Variants in PGAP4 observed in about 807,000 individuals in gnomAD.
PGAP4 encodes the protein post-GPI attachment to proteins GalNAc transferase 4.
In PGAP4, 12 loss-of-function variants were observed where a neutral mutation model predicts 28.2. That is an observed-to-expected ratio of 0.42 (90% CI 0.27 to 0.69). The LOEUF is 0.69. Ranked by LOEUF, PGAP4 falls within the 30% of genes least tolerant of loss-of-function variation. The probability of loss-of-function intolerance (pLI) is 0.22; values close to 1 mark genes in which losing one functional copy is unlikely to be tolerated. For missense variants in PGAP4, 425 were observed against 513.5 expected, an observed-to-expected ratio of 0.83 and a Z score of 1.67; for synonymous variants, 205 against 211.8, an observed-to-expected ratio of 0.97 and a Z score of 0.28.
chr9:101,528,132 C>T (rs183367028), intron 2 of PGAP4, among the ~76,000 whole-genome samples: 1 of 152,296 alleles, frequency 6.6e-6, no homozygotes, highest in Admixed American at 6.5e-5. Flanking sequence ...ATAGGCACTG[C>T]CCATGGCCTC....
chr9:101,489,381 C>A (rs1472639847), upstream of PGAP4, among the ~76,000 whole-genome samples: 1 of 151,834 alleles, frequency 6.6e-6, no homozygotes, highest in East Asian at 1.9e-4. Flanking sequence ...TGAAAAAAAT[C>A]TATTTTCAAA....
intron 2 of PGAP4, among the ~76,000 whole-genome samples, chr9:101,497,487 G>T (rs1359595516): frequency 6.6e-6 from 1 of 151,378 alleles, no homozygotes; most frequent in Non-Finnish European, 1.5e-5. Context: ...TTACACAAAG[G>T]TCATTTTGTT....
intron 2 of PGAP4, among the ~76,000 whole-genome samples, chr9:101,520,101 C>T (rs868630000): frequency 6.6e-6 from 1 of 152,240 alleles, no homozygotes; most frequent in South Asian, 2.1e-4. Context: ...CAGTGCCGTG[C>T]TGTTTTGGTG....
At chr9:101,530,361 A>G (rs1827077770) in intron 2 of PGAP4, among the ~76,000 whole-genome samples, 1 of 152,210 alleles carries the variant, frequency 6.6e-6, no homozygotes, top group Non-Finnish European at 1.5e-5. Context: ...GGGTCCTTCA[A>G]CAAATACTCA....
rs752656518 is a variant in PGAP4, at chr9:101,476,657, C to A, written c.436G>T (p.Val146Leu). ...TCAAAATGGCTCACACTACGCTCCACGTTGCACAGGAAGAGTTGGTGCCCC... is the reference window on the plus strand; with the variant it reads ...TCAAAATGGCTCACACTACGCTCCAAGTTGCACAGGAAGAGTTGGTGCCCC... ...CEGHQLFLCN[V>L]ERSVSHFDAK... is the part of the protein sequence containing the mutation. Residue 146 changes from valine to leucine, a missense_variant, in exon 2 of 2, where the codon GTG becomes TTG. Transcript: ENST00000374848. This position sits in a 1 kb window ranked among gnomAD's most constrained non-coding sequence, Gnocchi z 7.0. 2 of 1,614,068 alleles carry A rather than the reference C, an allele frequency of 1.2e-6. No homozygotes were observed. The highest frequency in any genetic ancestry group is 1.7e-5 in the Admixed American group (1 of 60,002).
rs914972555 is a variant in PGAP4 at position 101,475,099 on chromosome 9, C to G, written c.*782G>C. 1.1e-4 allele frequency: 16 copies of G among 151,858 alleles called. No homozygotes were observed. Among genetic ancestry groups the G allele is most frequent in the African/African-American group, 3.6e-4 (15 of 41,304 alleles). The allele number at this position is 151,858 out of a possible 1,614,324, so 9.4% of individuals were successfully genotyped here. ...TGATATGCTACTTGTAAAGAGCTCC[C>G]CTATATTGTATCATTCTGAAATGTC... On this transcript the variant is annotated 3_prime_UTR_variant, in exon 2 of 2. Coordinates refer to ENST00000374848, the MANE Select transcript of PGAP4 (RefSeq NM_032342.3).
chr9:101,522,176 A>G (rs1187969876), intron 2 of PGAP4, among the ~76,000 whole-genome samples: 1 of 152,100 alleles, frequency 6.6e-6, no homozygotes, highest in African/African-American at 2.4e-5. Context: ...GTTGAATAGA[A>G]TGCATATTCT....
chr9:101,531,876 AAATTAAACT>A (rs1373141048), intron 1 of PGAP4, among the ~76,000 whole-genome samples: 1 of 152,260 alleles, frequency 6.6e-6, no homozygotes, highest in Non-Finnish European at 1.5e-5. Flanking sequence ...GATGATACTC[AAATTAAACT>A]ATACTAGTGC....
At chr9:101,522,835 T>G (rs1167537613) in intron 2 of PGAP4, among the ~76,000 whole-genome samples, 1 of 152,228 alleles carries the variant, frequency 6.6e-6, no homozygotes, top group Non-Finnish European at 1.5e-5. Context: ...TAATTTATGC[T>G]TTAAAGAAGT....
Position 101,474,259 on chromosome 9 carries a change from C to G in PGAP4, c.*1622G>C, listed in dbSNP as rs1382573716. The G allele has an allele frequency of 6.6e-6, 1 of 152,118 alleles. No individual in the cohort carries two copies. Among genetic ancestry groups the G allele is most frequent in the East Asian group, 1.9e-4 (1 of 5,190 alleles). The allele number at this position is 152,118 out of a possible 1,614,324, so 9.4% of individuals were successfully genotyped here. On this transcript the variant is annotated 3_prime_UTR_variant, in exon 2 of 2. Coordinates refer to ENST00000374848, the MANE Select transcript of PGAP4 (RefSeq NM_032342.3). ...CATCTGTAGAGCGTGGGTGATCAAC[C>G]TTTATGTAATCCTTCTGTGTTGAGT...
chr9:101,500,746 AG>A (rs1826790089), intron 2 of PGAP4, among the ~76,000 whole-genome samples: 3 of 152,056 alleles, frequency 2.0e-5, no homozygotes, highest in Admixed American at 1.3e-4. Context: ...AGCTCAGGAA[AG>A]GGAGGAGACA....
chr9:101,497,380 C>T (rs182677904), intron 2 of PGAP4, among the ~76,000 whole-genome samples: 2 of 151,570 alleles, frequency 1.3e-5, no homozygotes, highest in Admixed American at 6.6e-5. Context: ...TAAGTGAGAA[C>T]CTTAAAGTTA....
chr9:101,491,282 TC>T (rs1223312047), upstream of PGAP4, among the ~76,000 whole-genome samples: 1 of 151,976 alleles, frequency 6.6e-6, no homozygotes, highest in Admixed American at 6.6e-5. Context: ...AAATGGTTAT[TC>T]CCCCCCGATA....
intron 1 of PGAP4, among the ~76,000 whole-genome samples, chr9:101,481,862 C>G (rs777655252): frequency 1.3e-5 from 2 of 152,164 alleles, no homozygotes; most frequent in African/African-American, 4.8e-5. Flanking sequence ...CTCACCTCCA[C>G]GCAGTCACTT....
intron 2 of PGAP4, among the ~76,000 whole-genome samples, chr9:101,517,335 G>A (rs1483847150): frequency 1.3e-5 from 2 of 151,908 alleles, no homozygotes; most frequent in Non-Finnish European, 2.9e-5. Flanking sequence ...CTTGTTGCTT[G>A]GAAAAATATT....
chr9:101,480,436 C>A (rs1170700743), intron 1 of PGAP4, among the ~76,000 whole-genome samples: 3 of 152,180 alleles, frequency 2.0e-5, no homozygotes, highest in Admixed American at 2.0e-4. Context: ...TAGTGCACCA[C>A]AAGCTGGCTC....
At chr9:101,513,193 C>A (rs1826911947) in intron 2 of PGAP4, among the ~76,000 whole-genome samples, 1 of 152,090 alleles carries the variant, frequency 6.6e-6, no homozygotes, top group Admixed American at 6.6e-5. Flanking sequence ...CTTGCCTGAC[C>A]ACCTTTGATT....
chr9:101,528,068 G>C (rs1489904236), intron 2 of PGAP4, among the ~76,000 whole-genome samples: 1 of 152,190 alleles, frequency 6.6e-6, no homozygotes, highest in Non-Finnish European at 1.5e-5. Flanking sequence ...CAATTACCCA[G>C]GGTCAGGAAA....
In PGAP4 at chr9:101,513,496, T is replaced by C. The variant is rs962098177; in HGVS notation, c.-165+17852A>G. Among the ~76,000 whole-genome samples, 3 of 152,254 alleles carry C rather than the reference T, an allele frequency of 2.0e-5. No homozygotes were observed. In the East Asian group the frequency reaches 5.8e-4, roughly 29 times the overall value. On this transcript the variant is annotated intron_variant, in intron 2 of 3. Transcript: ENST00000374851. ...CACTTGAATTTTTAACAAAAGAACA[T>C]GATGAAACAAGGACATCACCTCCCA... is the stretch of plus-strand genomic sequence containing the variant.
Sources: allele counts gnomAD v4.1 joint callset (sites outside exome capture counted in the v4.1 genomes callset), GRCh38; gene constraint gnomAD v4.1.1; non-coding constraint Gnocchi (gnomAD v3.1); transcripts MANE v1.5; gene names NCBI Gene and HGNC (gene_info 2026-07-23, HGNC 2026-07-21).